The following PPM1E variants were observed in gnomAD, a reference collection of about 807,000 sequenced individuals.
The protein encoded by PPM1E is protein phosphatase 1E.
A neutral mutation model predicts 65.9 loss-of-function variants in PPM1E; 20 were observed. That is an observed-to-expected ratio of 0.30 (90% confidence interval 0.21 to 0.44). The LOEUF is 0.44. PPM1E is among the 20% of genes least tolerant of loss of function. The pLI, the probability that PPM1E is intolerant of heterozygous loss-of-function variation, is 1.00. For missense variants in PPM1E, 713 were observed against 953.1 expected (o/e 0.75, Z 3.32); for synonymous variants, 352 against 374.9 (o/e 0.94, Z 0.70).
At chr17:58,926,505 G>A (rs1215766627) in intron 1 of PPM1E, among the ~76,000 whole-genome samples, 9 of 151,912 alleles carry the variant, frequency 5.9e-5, no homozygotes, top group South Asian at 4.2e-4. Context: ...ATGTGTGTGC[G>A]TGTGTGTGTA....
chr17:58,829,192 G>A (rs1428137676), intron 1 of PPM1E, among the ~76,000 whole-genome samples: 3 of 151,764 alleles, frequency 2.0e-5, no homozygotes, highest in Admixed American at 6.6e-5. Flanking sequence ...ACAGGCATGC[G>A]CCACCATGCC....
intron 1 of PPM1E, among the ~76,000 whole-genome samples, chr17:58,805,346 G>A (rs753415345): frequency 2.6e-5 from 4 of 152,118 alleles, no homozygotes; most frequent in African/African-American, 9.7e-5. Context: ...TGCCTCCTGG[G>A]TTCAAGTGAT....
chr17:58,862,471 C>A (rs748263717), intron 1 of PPM1E, among the ~76,000 whole-genome samples: 1 of 152,190 alleles, frequency 6.6e-6, no homozygotes, highest in Non-Finnish European at 1.5e-5. Context: ...ATTTTACTTA[C>A]TGCTAATGCT....
intron 1 of PPM1E, among the ~76,000 whole-genome samples, chr17:58,876,145 A>T (rs925926782): frequency 1.3e-5 from 2 of 152,164 alleles, no homozygotes; most frequent in African/African-American, 4.8e-5. Flanking sequence ...CCAAAATGCT[A>T]TTCATTCACT....
At chr17:58,796,244 A>G (rs1192620979) in intron 1 of PPM1E, among the ~76,000 whole-genome samples, 2 of 152,084 alleles carry the variant, frequency 1.3e-5, no homozygotes, top group South Asian at 4.1e-4. Flanking sequence ...GGGTCTCATT[A>G]TGGTTCCCCA....
rs1024312067 is a variant in PPM1E at position 58,981,263 on chromosome 17, C to A, written c.*232C>A. On this transcript the variant is annotated 3_prime_UTR_variant, in exon 7 of 7. Transcript: ENST00000308249. Reference sequence around the variant, plus strand: ...CACAGCTGGTCCCTGTGATGTGTCTCGACACCAATACACAACCCCCTTCCC... The same window carrying A: ...CACAGCTGGTCCCTGTGATGTGTCTAGACACCAATACACAACCCCCTTCCC... The A allele has an allele frequency of 6.5e-6, 3 of 463,972 alleles. No individual in the cohort carries two copies. The highest frequency in any genetic ancestry group is 3.9e-5 in the Admixed American group (1 of 25,470). The allele number at this position is 463,972 out of a possible 1,614,324, so 28.7% of individuals were successfully genotyped here.
Position 58,816,778 on chromosome 17 carries a change from ATATATATATATATATATTTTTT to A in PPM1E, c.464+60319_464+60340del, listed in dbSNP as rs1196063080. Among the ~76,000 whole-genome samples, 74 of 9,576 alleles carry A rather than the reference ATATATATATATATATATTTTTT, an allele frequency of 7.7e-3. 2 individuals are homozygous for A. The highest frequency in any genetic ancestry group is 0.071 in the Middle Eastern group (2 of 28). The allele number at this position is 9,576 out of a possible 152,430, so 6.3% of individuals were successfully genotyped here. The stretch of plus-strand genomic sequence containing the variant: ...TATATATATATATATATATATATAT[ATATATATATATATATATTTTTT>A]TTTTTTTTTTTTTGAGACAGGGTCT... On this transcript the variant is annotated intron_variant, in intron 1 of 6. Transcript: ENST00000308249.
intron 1 of PPM1E, among the ~76,000 whole-genome samples, chr17:58,834,158 T>A (rs1324622453): frequency 6.6e-6 from 1 of 152,166 alleles, no homozygotes; most frequent in East Asian, 1.9e-4. Flanking sequence ...TTATTTGTTT[T>A]ATTTTTATTT....
In PPM1E at chr17:58,883,483, C is replaced by CTTT. The variant is rs71143299; in HGVS notation, c.465-72150_465-72148dup. Among the ~76,000 whole-genome samples the CTTT allele has an allele frequency of 4.5e-4, 50 of 111,876 alleles. 1 individual carries two copies. The highest frequency in any genetic ancestry group is 9.2e-4 in the African/African-American group (27 of 29,420). 73.4% of individuals were successfully genotyped at this position (111,876 alleles called of 152,430 possible). A position where few individuals can be genotyped will look rare whatever the true frequency, so the allele number is the denominator to read the frequency against. On this transcript the variant is annotated intron_variant, in intron 1 of 6. Transcript: ENST00000308249. The stretch of plus-strand genomic sequence containing the variant: ...ATCTAGTAATTCTTCGCTGCCTGTT[C>CTTT]TTTTTTTTTTTTTTTTTTGAGACGG...
intron 1 of PPM1E, among the ~76,000 whole-genome samples, chr17:58,841,837 A>G (rs191928908): frequency 1.7e-4 from 26 of 152,176 alleles, no homozygotes; most frequent in Admixed American, 1.3e-3. Flanking sequence ...CCTCCTGAGT[A>G]GCTAGGACTA....
chr17:58,932,197 G>A (rs1386647710), intron 1 of PPM1E, among the ~76,000 whole-genome samples: 4 of 152,110 alleles, frequency 2.6e-5, no homozygotes, highest in East Asian at 1.9e-4. Flanking sequence ...GGCCGTGCGC[G>A]GTGGCTCACG....
At chr17:58,833,419 C>T (rs962317240) in intron 1 of PPM1E, among the ~76,000 whole-genome samples, 3 of 150,956 alleles carry the variant, frequency 2.0e-5, no homozygotes, top group Admixed American at 1.3e-4. Flanking sequence ...CTATTGTTGC[C>T]GTTTTTATGT....
chr17:58,757,150 A>G (rs920543923), intron 1 of PPM1E, among the ~76,000 whole-genome samples: 26 of 152,176 alleles, frequency 1.7e-4, no homozygotes, highest in African/African-American at 6.0e-4. Flanking sequence ...GTGGGAAGGA[A>G]TTGAGAGGGA....
At chr17:58,772,919 G>C (rs1227841022) in intron 1 of PPM1E, among the ~76,000 whole-genome samples, 1 of 151,220 alleles carries the variant, frequency 6.6e-6, no homozygotes, top group African/African-American at 2.4e-5. Flanking sequence ...CCTGTAGTTT[G>C]TTTTATTTGG....
chr17:58,971,855 A>G (rs574020750), intron 4 of PPM1E, among the ~76,000 whole-genome samples: 15 of 152,388 alleles, frequency 9.8e-5, no homozygotes, highest in Admixed American at 9.8e-4. Flanking sequence ...GGCAAGTCAC[A>G]TAACCTGCCA....
chr17:58,840,715 T>C (rs973606837), intron 1 of PPM1E, among the ~76,000 whole-genome samples: 1 of 152,158 alleles, frequency 6.6e-6, no homozygotes, highest in South Asian at 2.1e-4. Context: ...TAGAAATATT[T>C]GAGCAAAATA....
chr17:58,973,009 A>T, intron 6 of PPM1E, 84 bp downstream of exon 6: 1 of 805,890 alleles, frequency 1.2e-6, no homozygotes, highest in Non-Finnish European at 2.0e-6. Flanking sequence ...GGAACCTGAG[A>T]TGATAATTTA....
At chr17:58,802,346 G>A (rs996140763) in intron 1 of PPM1E, among the ~76,000 whole-genome samples, 3 of 152,006 alleles carry the variant, frequency 2.0e-5, no homozygotes, top group African/African-American at 7.3e-5. Flanking sequence ...GACCATATAG[G>A]TTTGGGTTTC....
Position 58,969,525 on chromosome 17 carries a change from G to A in PPM1E, c.784-14G>A. Reference sequence around the variant, plus strand: ...TACCCAACTCCCATAACTGTTCTGTGTTTCTGTTGACAGGACCAGGAAGAA... The same window carrying A: ...TACCCAACTCCCATAACTGTTCTGTATTTCTGTTGACAGGACCAGGAAGAA... On this transcript the variant is annotated splice_polypyrimidine_tract_variant and intron_variant, in intron 3 of 6. Transcript: ENST00000308249. The A allele has an allele frequency of 1.2e-6, 2 of 1,613,882 alleles. No homozygotes were observed. Among genetic ancestry groups the A allele is most frequent in the African/African-American group, 1.3e-5 (1 of 75,018 alleles).
Sources: gnomAD v4.1 joint callset for allele counts (sites outside exome capture counted in the v4.1 genomes callset) on GRCh38, gnomAD v4.1.1 for gene constraint, MANE v1.5 for transcripts, NCBI Gene and HGNC (gene_info 2026-07-23, HGNC 2026-07-21) for gene names.